C1orf141: variants seen among roughly 807,000 people sequenced by gnomAD.
C1orf141 encodes the protein chromosome 1 open reading frame 141.
In C1orf141, 19 loss-of-function variants were observed where a neutral mutation model predicts 23.2. The observed-to-expected ratio is 0.82, with a 90% CI of 0.57 to 1.20. The LOEUF (loss-of-function observed/expected upper bound fraction) is 1.20. C1orf141 is among the 50% of genes most tolerant of loss of function. The pLI is 0.00. For synonymous variants in C1orf141, 153 were observed against 154.6 expected, an observed-to-expected ratio of 0.99 and a Z score of 0.08; for missense variants, 469 against 455.1, an observed-to-expected ratio of 1.03 and a Z score of -0.28.
chr1:67,113,922 G>A (rs925002719), intron 5 of C1orf141, among the ~76,000 whole-genome samples: 1 of 152,090 alleles, frequency 6.6e-6, no homozygotes, highest in Non-Finnish European at 1.5e-5. Flanking sequence ...AGGGATCCCT[G>A]GTCTTAAATC....
At chr1:67,124,189 A>G (rs750115991) in intron 4 of C1orf141, among the ~76,000 whole-genome samples, 18 of 152,362 alleles carry the variant, frequency 1.2e-4, no homozygotes, top group African/African-American at 4.3e-4. Context: ...ACTCTGAGCA[A>G]TAGTACAAAA....
chr1:67,103,333 GC>G (rs1160747406), intron 5 of C1orf141: 1 of 1,486,104 alleles, frequency 6.7e-7, no homozygotes, highest in Non-Finnish European at 9.1e-7. Flanking sequence ...TCTTCTACAT[GC>G]TTGTCTATGC....
At chr1:67,137,606 A>T (rs1231486935), upstream of C1orf141, among the ~76,000 whole-genome samples, 4 of 152,162 alleles carry the variant, frequency 2.6e-5, no homozygotes, top group African/African-American at 9.7e-5. Flanking sequence ...TCCCTACTCT[A>T]AGACTATGCA....
At chr1:67,115,186 A>G (rs1242823118) in intron 5 of C1orf141, among the ~76,000 whole-genome samples, 166 bp downstream of exon 5, 3 of 152,250 alleles carry the variant, frequency 2.0e-5, no homozygotes, top group African/African-American at 7.2e-5. Flanking sequence ...CCATTCTGAT[A>G]TTTAACATCT....
chr1:67,122,858 A>T (rs1646326175), intron 4 of C1orf141: 1 of 152,190 alleles, frequency 6.6e-6, no homozygotes. Context: ...GGTCATTTTA[A>T]CATTCTTTTG....
chr1:67,128,470 G>A (rs1382549810), intron 2 of C1orf141, among the ~76,000 whole-genome samples: 1 of 151,984 alleles, frequency 6.6e-6, no homozygotes, highest in Non-Finnish European at 1.5e-5. Flanking sequence ...TTGGGAGGCC[G>A]AGGCGGGCAG....
rs139606703 is a variant in C1orf141 at position 67,093,344 on chromosome 1, C to T, written c.864G>A (p.Ala288=). The part of the protein sequence containing the change: ...KDIQIPMSFK[A]GHTTVDDKLK... Reference sequence around the variant, plus strand: ...GTTTATCATCTACAGTTGTGTGGCCCGCTTTAAAAGACATAGGGATCTGTA... The same window carrying T: ...GTTTATCATCTACAGTTGTGTGGCCTGCTTTAAAAGACATAGGGATCTGTA... The change falls in exon 8 of 8, where the codon GCG becomes GCA. Residue 288 remains alanine (A), a synonymous_variant. Transcript: ENST00000684719. 3.7e-5 allele frequency: 60 copies of T among 1,613,712 alleles called. No individual in the cohort carries two copies. Among genetic ancestry groups the T allele is most frequent in the African/African-American group, 3.5e-4 (26 of 74,990 alleles).
intron 2 of C1orf141, among the ~76,000 whole-genome samples, chr1:67,127,877 C>T (rs1007841358): frequency 4.6e-5 from 7 of 152,020 alleles, no homozygotes; most frequent in Admixed American, 3.3e-4. Flanking sequence ...TCAAGTGATC[C>T]GCCTGTCTCA....
intron 5 of C1orf141, among the ~76,000 whole-genome samples, chr1:67,113,278 T>C (rs1570706663): frequency 6.6e-6 from 1 of 152,014 alleles, no homozygotes; most frequent in South Asian, 2.1e-4. Flanking sequence ...CCCTGCCTGG[T>C]TGAAGATGCA....
intron 5 of C1orf141, among the ~76,000 whole-genome samples, chr1:67,100,498 T>G (rs1645773757): frequency 6.6e-6 from 1 of 152,220 alleles, no homozygotes; most frequent in Admixed American, 6.5e-5. Context: ...AAATCTTATT[T>G]CATAGAATTC....
intron 7 of C1orf141, 62 bp downstream of exon 7, chr1:67,095,173 G>T (rs72933967): frequency 2.1e-6 from 2 of 967,170 alleles, no homozygotes. Flanking sequence ...AAATATATGG[G>T]TGATTCCCAT....
intron 5 of C1orf141, among the ~76,000 whole-genome samples, chr1:67,110,829 A>G (rs965828688): frequency 6.6e-5 from 10 of 150,694 alleles, no homozygotes; most frequent in Non-Finnish European, 1.3e-4. Context: ...TCCTTTTAAT[A>G]TTTTTTAAAT....
chr1:67,099,882 G>A (rs556556128), intron 5 of C1orf141, among the ~76,000 whole-genome samples: 3 of 152,098 alleles, frequency 2.0e-5, no homozygotes, highest in Non-Finnish European at 4.4e-5. Context: ...CTTTAAAAAC[G>A]AACAGTATTT....
intron 5 of C1orf141, among the ~76,000 whole-genome samples, chr1:67,102,216 A>G (rs536826964): frequency 5.3e-5 from 8 of 152,240 alleles, no homozygotes; most frequent in African/African-American, 1.7e-4. Context: ...CTTAGTAGTT[A>G]CTGTACAAAA....
At chr1:67,093,764 G>A in intron 7 of C1orf141, 160 bp from the exon 8 acceptor site, 1 of 475,900 alleles carries the variant, frequency 2.1e-6, no homozygotes, top group Non-Finnish European at 3.6e-6. Context: ...TGAAAATACT[G>A]TACTTGTATG....
chr1:67,132,696 T>A (rs1243832446), intron 1 of C1orf141, among the ~76,000 whole-genome samples: 2 of 152,192 alleles, frequency 1.3e-5, no homozygotes, highest in African/African-American at 4.8e-5. Flanking sequence ...GAATATAAAT[T>A]TTTAGGAAGA....
chr1:67,108,546 A>G (rs906381597), intron 5 of C1orf141, among the ~76,000 whole-genome samples: 6 of 152,194 alleles, frequency 3.9e-5, no homozygotes, highest in Non-Finnish European at 7.4e-5. Flanking sequence ...AGCCTGGCCA[A>G]CATGGACCCC....
intron 4 of C1orf141, among the ~76,000 whole-genome samples, chr1:67,121,217 G>A (rs1646292689): frequency 6.6e-6 from 1 of 152,114 alleles, no homozygotes; most frequent in African/African-American, 2.4e-5. Flanking sequence ...TTCATCGATG[G>A]TGTAAGCTAC....
chr1:67,100,919 A>C (rs997568556), intron 5 of C1orf141, among the ~76,000 whole-genome samples: 4 of 152,158 alleles, frequency 2.6e-5, no homozygotes, highest in African/African-American at 9.7e-5. Flanking sequence ...ATTTCTGGGC[A>C]CTGTATATTT....
Sources: gnomAD v4.1 joint callset for allele counts (sites outside exome capture counted in the v4.1 genomes callset) on GRCh38, gnomAD v4.1.1 for gene constraint, MANE v1.5 for transcripts, NCBI Gene and HGNC (gene_info 2026-07-23, HGNC 2026-07-21) for gene names.